LRP1: variants seen among roughly 807,000 people sequenced by gnomAD.
The protein encoded by LRP1 is LDL receptor related protein 1.
LRP1 carries 51 observed loss-of-function variants against 541.5 expected under a neutral mutation model. The ratio of observed to expected loss-of-function variants is 0.09; its 90% confidence interval spans 0.08 to 0.12. LRP1 has a LOEUF of 0.12. Among genes scored for constraint, LRP1 ranks in the 10% least tolerant of loss-of-function variants. The pLI, the probability that LRP1 is intolerant of heterozygous loss-of-function variation, is 1.00. For missense variants in LRP1, 3,878 were observed against 6,376.2 expected (o/e 0.61, Z 13.34); for synonymous variants, 2,219 against 2,470.8 (o/e 0.90, Z 3.02).
intron 5 of LRP1, 55 bp from the exon 6 acceptor site, chr12:57,145,172 T>C: frequency 5.6e-6 from 9 of 1,613,304 alleles, no homozygotes; most frequent in Non-Finnish European, 6.8e-6. Flanking sequence ...GGTGGTGGCC[T>C]GAGAGGTGGT....
rs371781657 is a variant in LRP1 at position 57,166,944 on chromosome 12, C to T, written c.2812C>T (p.Pro938Ser). 48 of 1,613,356 alleles carry T rather than the reference C, an allele frequency of 3.0e-5. No homozygotes were observed. The African/African-American group carries it at 6.0e-4, about 20-fold the overall frequency. ...CTGCCCCCCAGCCCGCACCTGCCCC[C>T]CCAACCAGTTCTCCTGTGCCAGTGG... ...NATCSARTCP[P>S]NQFSCASGRC... Residue 938 changes from proline (P) to serine (S), a missense_variant, in exon 18 of 89, where the codon CCC (proline) becomes TCC (serine). Coordinates refer to ENST00000243077, the MANE Select transcript of LRP1 (RefSeq NM_002332.3).
rs372129653 is a variant in LRP1, at chr12:57,180,495, C to A, written c.5386+16C>A. ...GCCATCATGGGTGAGGGCTGCTGGG[C>A]GAAGCAGAGATGACGCAGAGCAGGC... On this transcript the variant is annotated intron_variant, in intron 32 of 88. Coordinates refer to ENST00000243077, the MANE Select transcript of LRP1 (RefSeq NM_002332.3). The A allele has an allele frequency of 1.2e-6, 2 of 1,613,338 alleles. No individual in the cohort carries two copies. Among genetic ancestry groups the A allele is most frequent in the African/African-American group, 1.3e-5 (1 of 74,934 alleles).
At chr12:57,209,513 G>A (rs2036861467) in intron 79 of LRP1, among the ~76,000 whole-genome samples, 179 bp from the exon 80 acceptor site, 1 of 152,228 alleles carries the variant, frequency 6.6e-6, no homozygotes, top group African/African-American at 2.4e-5. Flanking sequence ...GAAGTCTGGG[G>A]GTGATGGGAC....
rs1592666846 is a variant in LRP1, at chr12:57,210,663, T to C, written c.12755-55T>C. 1.2e-5 allele frequency: 19 copies of C among 1,568,058 alleles called. No individual in the cohort carries two copies. The East Asian group carries it at 4.1e-4, about 34-fold the overall frequency. On this transcript the variant is annotated intron_variant, in intron 82 of 88. Transcript: ENST00000243077. Reference sequence around the variant, plus strand: ...GTCCCCCCAGCCCATTCCTCTGCTATAGGGCCAGGTGGTCTCGAGGGCCAC... The same window carrying C: ...GTCCCCCCAGCCCATTCCTCTGCTACAGGGCCAGGTGGTCTCGAGGGCCAC...
chr12:57,174,670 C>A (rs2036008350), intron 22 of LRP1, among the ~76,000 whole-genome samples: 1 of 152,188 alleles, frequency 6.6e-6, no homozygotes, highest in African/African-American at 2.4e-5. Flanking sequence ...GAGGCAGAGG[C>A]AGGAGACTCG....
At chr12:57,149,307 T>C in intron 6 of LRP1, 1 of 440,222 alleles carries the variant, frequency 2.3e-6, no homozygotes, top group Admixed American at 3.9e-5. Flanking sequence ...CACTTTTGCT[T>C]CCCATTCCTG....
chr12:57,190,698 T>C, intron 42 of LRP1, 107 bp from the exon 43 acceptor site: 1 of 996,412 alleles, frequency 1.0e-6, no homozygotes, highest in South Asian at 1.4e-5. Context: ...TGGGGTGGCT[T>C]TGCCCTGGCA....
chr12:57,144,247 A>G (rs1301288352), intron 4 of LRP1, among the ~76,000 whole-genome samples: 1 of 152,176 alleles, frequency 6.6e-6, no homozygotes, highest in Non-Finnish European at 1.5e-5. Context: ...CATAAACAAT[A>G]GTATACTGTG....
intron 20 of LRP1, among the ~76,000 whole-genome samples, chr12:57,171,663 G>A (rs992110440): frequency 6.6e-6 from 1 of 152,100 alleles, no homozygotes; most frequent in African/African-American, 2.4e-5. Flanking sequence ...ATTGAGAAGA[G>A]GTTCAGGGGC....
rs1443439454 is a variant in LRP1, at chr12:57,201,799, G to A, written c.10488G>A (p.Val3496=). Residue 3496 remains valine, a synonymous_variant, in exon 67 of 89, where the codon GTG becomes GTA. Transcript: ENST00000243077. The surrounding 1 kb of genome is among the most constrained non-coding windows in gnomAD (Gnocchi z 6.4). Reference sequence around the variant, plus strand: ...TTGCAGCCCAGATGACCTGTGGTGTGGACGAGTTCCGCTGCAAGGATTCGG... The same window carrying A: ...TTGCAGCCCAGATGACCTGTGGTGTAGACGAGTTCCGCTGCAAGGATTCGG... ...PANCTQMTCG[V]DEFRCKDSGR... 1.9e-6 allele frequency: 3 copies of A among 1,613,968 alleles called. No individual in the cohort carries two copies. Among genetic ancestry groups the A allele is most frequent in the Non-Finnish European group, 1.7e-6 (2 of 1,180,020 alleles).
Position 57,181,179 on chromosome 12 carries a change from C to T in LRP1, c.5550C>T (p.Cys1850=). The T allele has an allele frequency of 6.2e-7, 1 of 1,613,692 alleles. No homozygotes were observed. The highest frequency in any genetic ancestry group is 1.1e-5 in the South Asian group (1 of 91,070). The change falls in exon 34 of 89, where the codon TGC becomes TGT. Residue 1850 remains cysteine (C), a synonymous_variant. Transcript: ENST00000243077. ...CAGACCATAAGGGCACCAACCCCTG[C>T]AGTGTCAACAACGGTGACTGCTCCC... The part of the protein sequence containing the change: ...IQLDHKGTNP[C]SVNNGDCSQL...
rs760250120 is a variant in LRP1, at chr12:57,197,608, G to T, written c.9226G>T (p.Val3076Leu). 6.2e-7 allele frequency: 1 copy of T among 1,614,036 alleles called. No individual in the cohort carries two copies. Among genetic ancestry groups the T allele is most frequent in the South Asian group, 1.1e-5 (1 of 91,070 alleles). ...AGAGCAGATGATCTACTGGACAGAT[G>T]TGACCACCCAGGGCAGCATGATCCG... is the stretch of plus-strand genomic sequence containing the variant. ...YREQMIYWTD[V>L]TTQGSMIRRM... The change falls in exon 58 of 89, where the codon GTG becomes TTG. Residue 3076 changes from valine to leucine, a missense_variant. Around this residue, in one of 13 missense-constraint regions of LRP1, gnomAD observed 1,100 missense variants for 1,827.4 expected, o/e 0.60. Transcript: ENST00000243077. The surrounding 1 kb of genome is among the most constrained non-coding windows in gnomAD (Gnocchi z 4.5).
intron 4 of LRP1, 140 bp from the exon 5 acceptor site, chr12:57,144,832 A>G: frequency 4.7e-6 from 4 of 845,470 alleles, no homozygotes; most frequent in Non-Finnish European, 7.7e-6. Context: ...AGGTTTGCAC[A>G]TTTCATGCTG....
intron 2 of LRP1, among the ~76,000 whole-genome samples, chr12:57,139,016 C>T (rs2035232107): frequency 6.6e-6 from 1 of 152,214 alleles, no homozygotes; most frequent in South Asian, 2.1e-4. Context: ...ACCAGAAGCC[C>T]CACCCCTGTG....
intron 17 of LRP1, 127 bp from the exon 18 acceptor site, chr12:57,166,803 T>G: frequency 1.5e-6 from 1 of 670,992 alleles, no homozygotes; most frequent in Non-Finnish European, 2.7e-6. Flanking sequence ...TGGTTTTGAA[T>G]TCTCTAAGAG....
intron 20 of LRP1, among the ~76,000 whole-genome samples, chr12:57,171,334 C>A (rs1359013463): frequency 6.6e-6 from 1 of 152,216 alleles, no homozygotes; most frequent in South Asian, 2.1e-4. Context: ...GTTTAGACTG[C>A]AGGTAAATGG....
At chr12:57,134,622 A>G (rs1255140014) in intron 1 of LRP1, among the ~76,000 whole-genome samples, 1 of 151,710 alleles carries the variant, frequency 6.6e-6, no homozygotes, top group Non-Finnish European at 1.5e-5. Context: ...ACCTCAAGTG[A>G]TCCGCCCATC....
chr12:57,206,439 C>T lies in LRP1; in HGVS notation c.11591-34C>T. Reference sequence around the variant, plus strand: ...GCTGGGTGGGGTGCACACCTGCATCCCACAGCCCCAGCCCTGGCCTCTTGC... The same window carrying T: ...GCTGGGTGGGGTGCACACCTGCATCTCACAGCCCCAGCCCTGGCCTCTTGC... On this transcript the variant is annotated intron_variant, in intron 75 of 88. Coordinates refer to ENST00000243077, the MANE Select transcript of LRP1 (RefSeq NM_002332.3). This position sits in a 1 kb window ranked among gnomAD's most constrained non-coding sequence, Gnocchi z 4.7. 6.2e-7 allele frequency: 1 copy of T among 1,608,690 alleles called. No individual in the cohort carries two copies. Among genetic ancestry groups the T allele is most frequent in the East Asian group, 2.2e-5 (1 of 44,778 alleles).
At chr12:57,137,760 C>T (rs1184773245) in intron 1 of LRP1, among the ~76,000 whole-genome samples, 1 of 151,526 alleles carries the variant, frequency 6.6e-6, no homozygotes, top group Non-Finnish European at 1.5e-5. Context: ...TGTGCCACTG[C>T]ACTCCAGCCT....
Sources: allele counts gnomAD v4.1 joint callset (sites outside exome capture counted in the v4.1 genomes callset), GRCh38; gene constraint gnomAD v4.1.1; regional missense constraint gnomAD v4.1.1; non-coding constraint Gnocchi (gnomAD v3.1); transcripts MANE v1.5; gene names NCBI Gene and HGNC (gene_info 2026-07-23, HGNC 2026-07-21).